Variants in SLC28A1 observed in about 807,000 individuals in gnomAD.
The protein encoded by SLC28A1 is solute carrier family 28 member 1.
A neutral mutation model predicts 74.8 loss-of-function variants in SLC28A1; 64 were observed. The observed-to-expected ratio is 0.86, with a 90% CI of 0.70 to 1.05. SLC28A1 has a LOEUF of 1.05. SLC28A1 is among the 50% of genes least tolerant of loss of function. The probability of loss-of-function intolerance (pLI) is 0.00; values close to 1 mark genes in which losing one functional copy is unlikely to be tolerated. For synonymous variants in SLC28A1, 359 were observed against 335.0 expected (o/e 1.07, Z -0.78); for missense variants, 828 against 822.8 (o/e 1.01, Z -0.08).
chr15:84,925,602 AAAAAG>A (rs1970424319), intron 12 of SLC28A1, among the ~76,000 whole-genome samples: 1 of 152,160 alleles, frequency 6.6e-6, no homozygotes. Context: ...TGTGTTTCAA[AAAAAG>A]AAAAGAAATG....
chr15:84,934,344 C>G (rs1306676780), intron 13 of SLC28A1, among the ~76,000 whole-genome samples: 1 of 152,240 alleles, frequency 6.6e-6, no homozygotes, highest in African/African-American at 2.4e-5. Context: ...GCCCCCATCT[C>G]TATGTGCCTG....
chr15:84,892,878 C>T (rs7342687), intron 5 of SLC28A1, among the ~76,000 whole-genome samples: 2 of 152,028 alleles, frequency 1.3e-5, no homozygotes, highest in Non-Finnish European at 2.9e-5. Flanking sequence ...GCCTCTTGCC[C>T]GCTCTCCCAG....
intron 15 of SLC28A1, among the ~76,000 whole-genome samples, chr15:84,937,291 T>G (rs1208507731): frequency 6.6e-6 from 1 of 152,298 alleles, no homozygotes; most frequent in East Asian, 1.9e-4. Flanking sequence ...TGCATATAGC[T>G]CTTCCTTCCT....
At chr15:84,918,275 AG>A (rs1969380980) in intron 9 of SLC28A1, among the ~76,000 whole-genome samples, 4 of 152,010 alleles carry the variant, frequency 2.6e-5, no homozygotes, top group Admixed American at 1.3e-4. Flanking sequence ...TGCTGAGGAG[AG>A]GGGGTGGTCT....
intron 8 of SLC28A1, among the ~76,000 whole-genome samples, chr15:84,906,171 C>T (rs1347382775): frequency 6.6e-6 from 1 of 152,022 alleles, no homozygotes; most frequent in Non-Finnish European, 1.5e-5. Context: ...AGGCTCCCAC[C>T]ACCATGCCTG....
the SLC28A1 span, among the ~76,000 whole-genome samples, chr15:84,951,886 G>T: frequency 6.6e-6 from 1 of 152,156 alleles, no homozygotes; most frequent in Non-Finnish European, 1.5e-5. Context: ...TGGCCAAACT[G>T]CAAAGTTTTC....
Position 84,921,087 on chromosome 15 carries a change from C to G in SLC28A1, c.957+18C>G. 6.3e-7 allele frequency: 1 copy of G among 1,583,514 alleles called. No homozygotes were observed. ...TGAGCCAGGTGGGTATGGAAGCCTC[C>G]TACCCTCATGCTCATCAGCAGCTTC... On this transcript the variant is annotated intron_variant, in intron 11 of 18. Coordinates refer to ENST00000394573, the MANE Select transcript of SLC28A1 (RefSeq NM_004213.5).
At chr15:84,897,220 G>C (rs7169954) in intron 6 of SLC28A1, among the ~76,000 whole-genome samples, 64,153 of 131,644 alleles carry the variant, frequency 0.49, 15,921 homozygotes, top group South Asian at 0.66. Flanking sequence ...ACTAAAAATA[G>C]CAAAAAAAAA....
the SLC28A1 span, chr15:84,975,525 C>G: frequency 2.2e-6 from 1 of 456,276 alleles, no homozygotes; most frequent in Non-Finnish European, 4.4e-6. Context: ...AGTACACCTG[C>G]CGAGTCCCAG....
At chr15:84,922,625 C>T (rs1304170451) in intron 11 of SLC28A1, among the ~76,000 whole-genome samples, 5 of 152,176 alleles carry the variant, frequency 3.3e-5, no homozygotes, top group Admixed American at 1.3e-4. Flanking sequence ...CCGAGTGACC[C>T]TTCAAACACA....
chr15:84,923,292 C>G (rs1166095385), intron 11 of SLC28A1, among the ~76,000 whole-genome samples: 1 of 152,130 alleles, frequency 6.6e-6, no homozygotes, highest in Admixed American at 6.5e-5. Context: ...ATCTTCATAG[C>G]TTTCATCACC....
chr15:84,895,813 C>T, intron 6 of SLC28A1: 1 of 1,133,304 alleles, frequency 8.8e-7, no homozygotes, highest in Non-Finnish European at 1.1e-6. Context: ...CAGTCTATTT[C>T]AATACTCTAT....
chr15:84,954,257 A>G, the SLC28A1 span, among the ~76,000 whole-genome samples: 3 of 152,152 alleles, frequency 2.0e-5, no homozygotes, highest in African/African-American at 4.8e-5. Context: ...CACTGTGACC[A>G]GGGAGGTAGA....
chr15:84,888,888 G>A (rs371725727), intron 4 of SLC28A1, 28 bp downstream of exon 4: 45 of 1,505,112 alleles, frequency 3.0e-5, no homozygotes, highest in African/African-American at 8.3e-5. Context: ...AGACAAGGGC[G>A]GGCCTGGGGT....
chr15:84,894,146 C>T (rs1336357998), intron 5 of SLC28A1, among the ~76,000 whole-genome samples: 3 of 152,008 alleles, frequency 2.0e-5, no homozygotes, highest in East Asian at 3.9e-4. Context: ...CTGAGGTGGG[C>T]GGATCACTTG....
chr15:84,974,626 C>A, the SLC28A1 span, among the ~76,000 whole-genome samples: 1 of 152,088 alleles, frequency 6.6e-6, no homozygotes, highest in African/African-American at 2.4e-5. Context: ...ATGGGGATGC[C>A]AGCAGGGCTC....
At chr15:84,886,492 A>T (rs1202776160) in intron 1 of SLC28A1, 180 bp from the exon 2 acceptor site, 1 of 985,270 alleles carries the variant, frequency 1.0e-6, no homozygotes, top group Admixed American at 6.1e-5. Context: ...GGCATCTCTG[A>T]TGGAGAAGCA....
At chr15:84,902,936 G>T (rs1374878483) in intron 6 of SLC28A1, among the ~76,000 whole-genome samples, 4 of 152,088 alleles carry the variant, frequency 2.6e-5, no homozygotes, top group Non-Finnish European at 2.9e-5. Context: ...CACCATGGTG[G>T]CCAGGCTGGT....
At chr15:84,917,745 A>C (rs2141891211) in intron 9 of SLC28A1, among the ~76,000 whole-genome samples, 1 of 152,210 alleles carries the variant, frequency 6.6e-6, no homozygotes, top group African/African-American at 2.4e-5. Flanking sequence ...TCTGTATCCT[A>C]GGTGATGAAA....
Sources: allele counts gnomAD v4.1 joint callset (sites outside exome capture counted in the v4.1 genomes callset), GRCh38; gene constraint gnomAD v4.1.1; transcripts MANE v1.5; gene names NCBI Gene and HGNC (gene_info 2026-07-23, HGNC 2026-07-21).